The following NRG1 variants were observed in gnomAD, a reference collection of about 807,000 sequenced individuals.
NRG1 encodes the protein neuregulin 1.
Under a neutral mutation model 63.8 loss-of-function variants are expected in NRG1, and 18 were observed. That is an observed-to-expected ratio of 0.28 (90% CI 0.19 to 0.42). The LOEUF (loss-of-function observed/expected upper bound fraction) is 0.42. Among genes scored for constraint, NRG1 ranks in the 10% least tolerant of loss-of-function variants. The pLI is 1.00. For synonymous variants in NRG1, 302 were observed against 301.3 expected (o/e 1.00, Z -0.02); for missense variants, 762 against 814.7 (o/e 0.94, Z 0.79).
intron 1 of NRG1, among the ~76,000 whole-genome samples, chr8:31,992,409 C>G (rs531294316): frequency 1.3e-5 from 2 of 151,924 alleles, no homozygotes; most frequent in African/African-American, 4.8e-5. Context: ...GAACTCTAAC[C>G]ATGTGTATCA....
chr8:32,601,343 A>T (rs1047512909), intron 2 of NRG1, among the ~76,000 whole-genome samples: 3 of 152,138 alleles, frequency 2.0e-5, no homozygotes, highest in South Asian at 2.1e-4. Context: ...ATCTAATTTA[A>T]TCTTTCTCTG....
At chr8:31,798,228 A>C (rs1821424154) in intron 1 of NRG1, among the ~76,000 whole-genome samples, 1 of 152,206 alleles carries the variant, frequency 6.6e-6, no homozygotes. Context: ...TTCGCAACAC[A>C]GAGAAATGAT....
At chr8:31,813,516 C>CTTTTTTTTTTTTTTTTT (rs377718067) in intron 1 of NRG1, among the ~76,000 whole-genome samples, 8 of 101,212 alleles carry the variant, frequency 7.9e-5, no homozygotes, top group Admixed American at 1.1e-4. Flanking sequence ...CTTTTCTTTT[C>CTTTTTTTTTTTTTTTTT]TTTTTTTTTT....
intron 1 of NRG1, among the ~76,000 whole-genome samples, chr8:32,078,187 G>T (rs1826899606): frequency 6.6e-6 from 1 of 152,130 alleles, no homozygotes; most frequent in African/African-American, 2.4e-5. Context: ...GGAGGTGATT[G>T]GGTCATAGGT....
chr8:32,422,842 T>A (rs1350154002), intron 1 of NRG1, among the ~76,000 whole-genome samples: 1 of 152,266 alleles, frequency 6.6e-6, no homozygotes, highest in Non-Finnish European at 1.5e-5. Flanking sequence ...TCAGGGGACC[T>A]GGTTTAACTC....
chr8:32,022,350 G>A (rs910915696), intron 1 of NRG1, among the ~76,000 whole-genome samples: 3 of 152,046 alleles, frequency 2.0e-5, no homozygotes, highest in Non-Finnish European at 4.4e-5. Context: ...TGCTTCCAGT[G>A]AGTCTGTCAG....
At chr8:32,390,674 C>T (rs192089614) in intron 1 of NRG1, among the ~76,000 whole-genome samples, 4 of 150,960 alleles carry the variant, frequency 2.6e-5, no homozygotes, top group Non-Finnish European at 5.9e-5. Context: ...TGAGACTAGA[C>T]ACCCTCTTAT....
intron 1 of NRG1, among the ~76,000 whole-genome samples, chr8:31,964,359 A>G (rs974801746): frequency 2.0e-5 from 3 of 152,252 alleles, no homozygotes; most frequent in Non-Finnish European, 4.4e-5. Flanking sequence ...AGCTGGCAAT[A>G]TCAGAGAAGC....
intron 1 of NRG1, among the ~76,000 whole-genome samples, chr8:32,422,261 C>T (rs1196001536): frequency 6.6e-6 from 1 of 152,026 alleles, no homozygotes; most frequent in African/African-American, 2.4e-5. Context: ...TATACCTATC[C>T]ACACATATGT....
At chr8:31,873,906 A>G (rs1829701228) in intron 1 of NRG1, among the ~76,000 whole-genome samples, 1 of 152,104 alleles carries the variant, frequency 6.6e-6, no homozygotes, top group African/African-American at 2.4e-5. Context: ...TTTTTCAATA[A>G]AAGTCTTGCT....
chr8:31,930,163 A>G (rs1193003633), intron 1 of NRG1, among the ~76,000 whole-genome samples: 1 of 152,240 alleles, frequency 6.6e-6, no homozygotes, highest in Non-Finnish European at 1.5e-5. Flanking sequence ...GGTCCTGAAT[A>G]ATATCGTAGG....
At chr8:31,683,202 C>T (rs957969809) in intron 1 of NRG1, among the ~76,000 whole-genome samples, 10 of 152,150 alleles carry the variant, frequency 6.6e-5, no homozygotes, top group Admixed American at 6.6e-4. Flanking sequence ...CTTAGTATTT[C>T]TCCAAATGAG....
intron 1 of NRG1, among the ~76,000 whole-genome samples, chr8:31,918,000 CTCTG>C (rs1833555380): frequency 6.6e-6 from 1 of 151,708 alleles, no homozygotes; most frequent in Admixed American, 6.6e-5. Context: ...TGATTTGGCT[CTCTG>C]TCTGTTATTG....
intron 1 of NRG1, among the ~76,000 whole-genome samples, chr8:32,202,141 A>G (rs1053873001): frequency 6.6e-6 from 1 of 152,174 alleles, no homozygotes; most frequent in Non-Finnish European, 1.5e-5. Context: ...ATTTTTATTT[A>G]TAATATGGAA....
At chr8:32,156,135 C>A (rs1838035105) in intron 1 of NRG1, among the ~76,000 whole-genome samples, 1 of 152,200 alleles carries the variant, frequency 6.6e-6, no homozygotes, top group Non-Finnish European at 1.5e-5. Context: ...TGTCATAGTA[C>A]ATGCTCCTGA....
chr8:32,677,497 A>G (rs1484432222), intron 5 of NRG1, among the ~76,000 whole-genome samples: 1 of 152,002 alleles, frequency 6.6e-6, no homozygotes, highest in Non-Finnish European at 1.5e-5. Flanking sequence ...TCTCTACAAA[A>G]TATACAAAAA....
intron 1 of NRG1, among the ~76,000 whole-genome samples, chr8:32,489,065 G>T (rs1826233101): frequency 6.6e-6 from 1 of 152,192 alleles, no homozygotes; most frequent in African/African-American, 2.4e-5. Context: ...CATCTTGGAG[G>T]TCAAGCACAG....
chr8:32,119,910 C>T (rs1186655254), intron 1 of NRG1, among the ~76,000 whole-genome samples: 1 of 152,062 alleles, frequency 6.6e-6, no homozygotes, highest in Non-Finnish European at 1.5e-5. Context: ...TTAGCTTCCT[C>T]TAAAAAATAC....
intron 1 of NRG1, among the ~76,000 whole-genome samples, chr8:31,696,804 T>C (rs1322690881): frequency 6.6e-6 from 1 of 152,208 alleles, no homozygotes; most frequent in East Asian, 1.9e-4. Context: ...TGTTTCTGAC[T>C]TCAGCCCAGG....
Sources: allele counts gnomAD v4.1 joint callset (sites outside exome capture counted in the v4.1 genomes callset), GRCh38; gene constraint gnomAD v4.1.1; transcripts MANE v1.5; gene names NCBI Gene and HGNC (gene_info 2026-07-23, HGNC 2026-07-21).